The following EEPD1 variants were observed in gnomAD, a reference collection of about 807,000 sequenced individuals.
The protein encoded by EEPD1 is endonuclease/exonuclease/phosphatase family domain-containing protein 1.
EEPD1 carries 17 observed loss-of-function variants against 46.3 expected under a neutral mutation model. The ratio of observed to expected loss-of-function variants is 0.37; its 90% CI spans 0.25 to 0.55. EEPD1 has a LOEUF of 0.55. Among genes scored for constraint, EEPD1 ranks in the 20% least tolerant of loss-of-function variants. The pLI is 0.83. For synonymous variants in EEPD1, 313 were observed against 315.6 expected, an observed-to-expected ratio of 0.99 and a Z score of 0.09; for missense variants, 673 against 745.6, an observed-to-expected ratio of 0.90 and a Z score of 1.13.
rs768130264 is a variant in EEPD1, at chr7:36,294,129, G to A, written c.1316-2864G>A. Among the ~76,000 whole-genome samples, 13 of 152,014 alleles carry A rather than the reference G, an allele frequency of 8.6e-5. No homozygotes were observed. The Middle Eastern group carries it at 0.014, about 159-fold the overall frequency. ...TCCTCTGTGTAGAGTGTCTAGAAGG[G>A]GACACAAGGAACAAGAGAACAGCCT... On this transcript the variant is annotated intron_variant, in intron 6 of 7. Transcript: ENST00000242108.
intron 6 of EEPD1, 71 bp downstream of exon 6, chr7:36,287,848 T>C: frequency 6.4e-7 from 1 of 1,563,332 alleles, no homozygotes; most frequent in Non-Finnish European, 8.7e-7. Flanking sequence ...TTCTGAGCCA[T>C]CTCTGACCAC....
At chr7:36,163,570 G>C (rs1270659468) in intron 2 of EEPD1, among the ~76,000 whole-genome samples, 1 of 152,186 alleles carries the variant, frequency 6.6e-6, no homozygotes, top group South Asian at 2.1e-4. Flanking sequence ...AGACTCCAAA[G>C]TTTGATGATA....
intron 2 of EEPD1, among the ~76,000 whole-genome samples, chr7:36,189,498 G>A (rs1005492625): frequency 1.1e-4 from 16 of 152,158 alleles, no homozygotes; most frequent in African/African-American, 3.9e-4. Context: ...CTTTTGTGAA[G>A]TTCTTTGACC....
chr7:36,292,889 A>C (rs745323873), intron 6 of EEPD1, among the ~76,000 whole-genome samples: 3 of 152,146 alleles, frequency 2.0e-5, no homozygotes, highest in Non-Finnish European at 4.4e-5. Context: ...CCTCCTAGCT[A>C]ATTTGGATTC....
At chr7:36,246,865 C>CGCATG (rs1786648766) in intron 3 of EEPD1, among the ~76,000 whole-genome samples, 1 of 152,136 alleles carries the variant, frequency 6.6e-6, no homozygotes, top group African/African-American at 2.4e-5. Context: ...GTGTCTCACG[C>CGCATG]CTGTAATCCC....
At chr7:36,182,835 A>G (rs1785298277) in intron 2 of EEPD1, among the ~76,000 whole-genome samples, 1 of 152,256 alleles carries the variant, frequency 6.6e-6, no homozygotes. Context: ...TGTGAAGTTA[A>G]ATCCAGTATC....
intron 5 of EEPD1, among the ~76,000 whole-genome samples, chr7:36,285,345 G>A (rs570820517): frequency 3.1e-4 from 47 of 152,236 alleles, no homozygotes; most frequent in Non-Finnish European, 5.7e-4. Context: ...TTTATTACCA[G>A]GGAGAAAGGC....
chr7:36,196,862 C>A (rs1281066477), intron 2 of EEPD1, among the ~76,000 whole-genome samples: 15 of 152,016 alleles, frequency 9.9e-5, no homozygotes, highest in African/African-American at 3.6e-4. Context: ...AGCGTCTCTG[C>A]CTGGCCGCCC....
intron 7 of EEPD1, 34 bp downstream of exon 7, chr7:36,297,221 C>T (rs1787541690): frequency 6.2e-7 from 1 of 1,606,660 alleles, no homozygotes; most frequent in Non-Finnish European, 8.5e-7. Flanking sequence ...TTCTCCTGTT[C>T]AGGAATGGAG....
At chr7:36,167,712 T>TTTATTA (rs374228206) in intron 2 of EEPD1, among the ~76,000 whole-genome samples, 152 of 151,694 alleles carry the variant, frequency 1.0e-3, no homozygotes, top group South Asian at 4.2e-4. Flanking sequence ...CATAGTGCCC[T>TTTATTA]TTATTATTAT....
intron 3 of EEPD1, among the ~76,000 whole-genome samples, chr7:36,273,129 T>TACACACACACACACACACACAC (rs10578694): frequency 7.4e-5 from 11 of 148,438 alleles, no homozygotes; most frequent in Non-Finnish European, 1.2e-4. Context: ...GGTGCATGCT[T>TACACACACACACACACACACAC]ACACACACAC....
intron 2 of EEPD1, among the ~76,000 whole-genome samples, chr7:36,164,467 A>G (rs1297814901): frequency 1.3e-5 from 2 of 152,230 alleles, no homozygotes; most frequent in South Asian, 4.1e-4. Context: ...TACAAAGGGA[A>G]TGGGGACACT....
At chr7:36,261,364 C>T (rs1786920083) in intron 3 of EEPD1, among the ~76,000 whole-genome samples, 2 of 152,288 alleles carry the variant, frequency 1.3e-5, no homozygotes, top group East Asian at 1.9e-4. Flanking sequence ...GCACTTTTCC[C>T]TCCTGCCTTG....
chr7:36,231,978 GA>G lies in EEPD1; in HGVS notation c.879-7005del, dbSNP rs1296222122. Among the ~76,000 whole-genome samples, 5 of 152,162 alleles carry G rather than the reference GA, an allele frequency of 3.3e-5. No individual in the cohort carries two copies. In the East Asian group the frequency reaches 9.6e-4, roughly 29 times the overall value. ...CAGTTATATAACAGGAAGCACCTCAGAATACCCTTAAGGACTGCAACTCTCA... is the reference window on the plus strand; with the variant it reads ...CAGTTATATAACAGGAAGCACCTCAGATACCCTTAAGGACTGCAACTCTCA... On this transcript the variant is annotated intron_variant, in intron 2 of 7. Coordinates refer to ENST00000242108, the MANE Select transcript of EEPD1 (RefSeq NM_030636.3).
At chr7:36,165,300 A>G (rs1784964451) in intron 2 of EEPD1, among the ~76,000 whole-genome samples, 1 of 152,160 alleles carries the variant, frequency 6.6e-6, no homozygotes, top group Non-Finnish European at 1.5e-5. Context: ...TCTTCAGTAC[A>G]ATAACATACC....
chr7:36,167,234 T>G (rs1785000770), intron 2 of EEPD1, among the ~76,000 whole-genome samples: 1 of 152,162 alleles, frequency 6.6e-6, no homozygotes, highest in Admixed American at 6.5e-5. Context: ...ACACAGGAAT[T>G]TGGGGGGACA....
chr7:36,186,372 C>T (rs1758790077), intron 2 of EEPD1, among the ~76,000 whole-genome samples: 1 of 152,188 alleles, frequency 6.6e-6, no homozygotes, highest in African/African-American at 2.4e-5. Context: ...TCTTCTGACC[C>T]CTGGAAGTCT....
chr7:36,237,589 C>T (rs937485451), intron 2 of EEPD1, among the ~76,000 whole-genome samples: 5 of 151,990 alleles, frequency 3.3e-5, no homozygotes, highest in Non-Finnish European at 7.4e-5. Flanking sequence ...GGACCTTGTG[C>T]AAAAAAGAAT....
At chr7:36,205,354 A>G (rs951201054) in intron 2 of EEPD1, among the ~76,000 whole-genome samples, 1 of 152,254 alleles carries the variant, frequency 6.6e-6, no homozygotes, top group Non-Finnish European at 1.5e-5. Flanking sequence ...TTAATAGACA[A>G]ACAATGTAAG....
Sources: gnomAD v4.1 joint callset for allele counts (sites outside exome capture counted in the v4.1 genomes callset) on GRCh38, gnomAD v4.1.1 for gene constraint, MANE v1.5 for transcripts, NCBI Gene and HGNC (gene_info 2026-07-23, HGNC 2026-07-21) for gene names.